The following RANBP2 variants were observed in gnomAD, a reference collection of about 807,000 sequenced individuals.
RANBP2 encodes E3 SUMO-protein ligase RanBP2.
A neutral mutation model predicts 303.6 loss-of-function variants in RANBP2; 57 were observed. The ratio of observed to expected loss-of-function variants is 0.19; its 90% CI spans 0.15 to 0.23. RANBP2 has a LOEUF of 0.23. RANBP2 is among the 10% of genes least tolerant of loss of function. The pLI is 1.00. For missense variants in RANBP2, 3,138 were observed against 3,780.8 expected (o/e 0.83, Z 4.46); for synonymous variants, 1,167 against 1,301.5 (o/e 0.90, Z 2.23).
the RANBP2 span, among the ~76,000 whole-genome samples, chr2:109,729,448 C>A: frequency 7.2e-5 from 11 of 152,018 alleles, no homozygotes; most frequent in Non-Finnish European, 1.5e-4. Flanking sequence ...GGAATTCGAG[C>A]CCAGCCTGGC....
chr2:108,897,952 C>G, the RANBP2 span, among the ~76,000 whole-genome samples: 1 of 152,086 alleles, frequency 6.6e-6, no homozygotes, highest in Non-Finnish European at 1.5e-5. Context: ...GGTAAGTTCC[C>G]TGGGTTTTCT....
chr2:108,906,968 G>A, the RANBP2 span, among the ~76,000 whole-genome samples: 1 of 152,230 alleles, frequency 6.6e-6, no homozygotes, highest in Non-Finnish European at 1.5e-5. Flanking sequence ...CATCAGTGAT[G>A]TTGCCTAGCA....
the RANBP2 span, among the ~76,000 whole-genome samples, chr2:109,380,884 C>A: frequency 6.6e-6 from 1 of 152,248 alleles, no homozygotes. Context: ...TTGGAGGCCC[C>A]AGCAGGGCAC....
At chr2:109,397,293 T>G in the RANBP2 span, among the ~76,000 whole-genome samples, 2 of 128,706 alleles carry the variant, frequency 1.6e-5, no homozygotes, top group Non-Finnish European at 3.0e-5. Context: ...ATTTACTCAG[T>G]TTTTTTCTGC....
chr2:108,923,542 G>T, the RANBP2 span: 1 of 1,213,572 alleles, frequency 8.2e-7, no homozygotes, highest in Non-Finnish European at 1.2e-6. Flanking sequence ...TGGCCAGTCT[G>T]CAGGCCCACA....
the RANBP2 span, among the ~76,000 whole-genome samples, chr2:108,893,478 C>T: frequency 8.4e-4 from 128 of 152,232 alleles, no homozygotes; most frequent in Non-Finnish European, 1.5e-3. Flanking sequence ...CAGGTCTATC[C>T]TGGCACGAAG....
chr2:109,097,356 A>C, the RANBP2 span, among the ~76,000 whole-genome samples: 1 of 145,204 alleles, frequency 6.9e-6, no homozygotes, highest in African/African-American at 2.6e-5. Flanking sequence ...AAAACAAAAC[A>C]AAACCTCTGA....
chr2:109,381,521 CGTGGCCATCA>C, the RANBP2 span, among the ~76,000 whole-genome samples: 1 of 152,124 alleles, frequency 6.6e-6, no homozygotes, highest in Admixed American at 6.5e-5. Context: ...CTCCCTTCAG[CGTGGCCATCA>C]CGGTGCCCTG....
intron 12 of RANBP2, among the ~76,000 whole-genome samples, chr2:108,752,537 C>A (rs1314023498): frequency 6.6e-6 from 1 of 150,426 alleles, no homozygotes; most frequent in Non-Finnish European, 1.5e-5. Context: ...CGTTAGGAGG[C>A]CGAGGCGGGC....
At chr2:109,432,385 C>T in the RANBP2 span, 3 of 1,327,652 alleles carry the variant, frequency 2.3e-6, no homozygotes, top group South Asian at 2.7e-5. Context: ...CCCATAGACT[C>T]TAGTGGGTCT....
At chr2:109,774,485 T>C in the RANBP2 span, among the ~76,000 whole-genome samples, 1 of 340 alleles carries the variant, frequency 2.9e-3, no homozygotes, top group Non-Finnish European at 8.3e-3. Context: ...GCGAGACTCC[T>C]TCTCAAAAAC....
At chr2:109,477,169 G>A in the RANBP2 span, among the ~76,000 whole-genome samples, 13 of 152,144 alleles carry the variant, frequency 8.5e-5, no homozygotes, top group Non-Finnish European at 8.8e-5. Context: ...CTGAATGACC[G>A]TTGGCCTAGG....
the RANBP2 span, among the ~76,000 whole-genome samples, chr2:108,853,907 T>TATATATTA: frequency 8.3e-6 from 1 of 121,100 alleles, no homozygotes; most frequent in African/African-American, 3.4e-5. Context: ...ATATTATATA[T>TATATATTA]TATATAGTAT....
At chr2:108,744,084 C>CA (rs1031959094) in intron 7 of RANBP2, among the ~76,000 whole-genome samples, 2 of 152,234 alleles carry the variant, frequency 1.3e-5, no homozygotes, top group African/African-American at 4.8e-5. Flanking sequence ...AGGTAGTTAA[C>CA]AAAGTATCTT....
At chr2:109,553,091 C>T in the RANBP2 span, 1 of 1,612,056 alleles carries the variant, frequency 6.2e-7, no homozygotes, top group Non-Finnish European at 8.5e-7. Context: ...ACTTGCCTCT[C>T]TCTCAGCTTC....
the RANBP2 span, among the ~76,000 whole-genome samples, chr2:108,965,996 G>C: frequency 6.3e-3 from 957 of 152,222 alleles, 11 homozygotes; most frequent in African/African-American, 0.022. Context: ...CCTCATCTTT[G>C]AGTGACACCT....
chr2:109,649,895 T>C, the RANBP2 span, among the ~76,000 whole-genome samples: 4 of 152,288 alleles, frequency 2.6e-5, no homozygotes, highest in East Asian at 5.8e-4. Flanking sequence ...TCTGCAAAAA[T>C]GAATCTTGGA....
the RANBP2 span, among the ~76,000 whole-genome samples, chr2:109,219,398 C>T: frequency 6.6e-6 from 1 of 151,704 alleles, no homozygotes; most frequent in Non-Finnish European, 1.5e-5. Context: ...TTTAGTATTG[C>T]AAAAGGAGGA....
At chr2:109,679,911 G>A in the RANBP2 span, among the ~76,000 whole-genome samples, 3 of 152,218 alleles carry the variant, frequency 2.0e-5, no homozygotes, top group Non-Finnish European at 4.4e-5. Flanking sequence ...CCTGAGACAA[G>A]AGGCAAATCG....
Sources: gnomAD v4.1 joint callset for allele counts (sites outside exome capture counted in the v4.1 genomes callset) on GRCh38, gnomAD v4.1.1 for gene constraint, MANE v1.5 for transcripts, NCBI Gene and HGNC (gene_info 2026-07-23, HGNC 2026-07-21) for gene names.